Variants in SNRNP40 observed in about 807,000 individuals in gnomAD.
The protein encoded by SNRNP40 is small nuclear ribonucleoprotein U5 subunit 40, also known as U5 small nuclear ribonucleoprotein 40 kDa protein.
In SNRNP40, 21 loss-of-function variants were observed where a neutral mutation model predicts 45.8. The observed-to-expected ratio is 0.46, with a 90% CI of 0.32 to 0.66. SNRNP40 has a LOEUF of 0.66. Among genes scored for constraint, SNRNP40 ranks in the 30% least tolerant of loss-of-function variants. SNRNP40 has a pLI of 0.03. For synonymous variants in SNRNP40, 142 were observed against 163.8 expected, an observed-to-expected ratio of 0.87 and a Z score of 1.01; for missense variants, 344 against 439.1, an observed-to-expected ratio of 0.78 and a Z score of 1.94.
chr1:31,285,711 C>A (rs1335654407), intron 4 of SNRNP40, among the ~76,000 whole-genome samples: 1 of 152,200 alleles, frequency 6.6e-6, no homozygotes, highest in East Asian at 1.9e-4. Flanking sequence ...AGTCTGGAAT[C>A]ATATGTTAAA....
chr1:31,285,414 T>C (rs1190649422), intron 4 of SNRNP40, among the ~76,000 whole-genome samples: 1 of 152,074 alleles, frequency 6.6e-6, no homozygotes, highest in Non-Finnish European at 1.5e-5. Flanking sequence ...CTTTTTTGTA[T>C]TTTTAGTAGA....
chr1:31,288,481 T>C (rs1305362220), intron 4 of SNRNP40, among the ~76,000 whole-genome samples: 1 of 152,214 alleles, frequency 6.6e-6, no homozygotes, highest in Non-Finnish European at 1.5e-5. Context: ...CACATTAAAA[T>C]ATCTGATTCC....
intron 7 of SNRNP40, among the ~76,000 whole-genome samples, chr1:31,268,944 G>A (rs1645918394): frequency 6.6e-6 from 1 of 152,186 alleles, no homozygotes. Flanking sequence ...CAGTTTGAGG[G>A]CTGGCTCCAT....
intron 5 of SNRNP40, among the ~76,000 whole-genome samples, chr1:31,272,547 C>T (rs1357698921): frequency 6.6e-6 from 1 of 152,106 alleles, no homozygotes; most frequent in Non-Finnish European, 1.5e-5. Context: ...GTCATTGGGT[C>T]ACTAATTCTT....
intron 7 of SNRNP40, among the ~76,000 whole-genome samples, chr1:31,268,844 T>C (rs940471438): frequency 3.9e-5 from 6 of 152,112 alleles, no homozygotes; most frequent in African/African-American, 9.7e-5. Context: ...TTGGGTTCCA[T>C]ATGGAAAACT....
intron 4 of SNRNP40, among the ~76,000 whole-genome samples, chr1:31,287,678 T>C (rs1646069390): frequency 6.6e-6 from 1 of 152,060 alleles, no homozygotes; most frequent in Non-Finnish European, 1.5e-5. Flanking sequence ...GGGCCCCAAG[T>C]GATTAGGTAT....
chr1:31,279,806 A>C (rs1447261624), intron 5 of SNRNP40, among the ~76,000 whole-genome samples: 1 of 151,582 alleles, frequency 6.6e-6, no homozygotes, highest in Non-Finnish European at 1.5e-5. Context: ...TGAAACCCTC[A>C]CATTTAAAGG....
chr1:31,265,920 T>C (rs531394972), intron 8 of SNRNP40, among the ~76,000 whole-genome samples: 1 of 152,370 alleles, frequency 6.6e-6, no homozygotes, highest in Non-Finnish European at 1.5e-5. Flanking sequence ...TAGTTCTTAC[T>C]ATATCAGAAT....
intron 5 of SNRNP40, among the ~76,000 whole-genome samples, chr1:31,279,726 G>A (rs910646597): frequency 1.5e-4 from 22 of 151,444 alleles, no homozygotes; most frequent in African/African-American, 4.1e-4. Context: ...AAGTCTGGGC[G>A]ACAGAGTGAG....
At chr1:31,267,536 T>C (rs1021401978) in intron 8 of SNRNP40, among the ~76,000 whole-genome samples, 1 of 152,144 alleles carries the variant, frequency 6.6e-6, no homozygotes, top group African/African-American at 2.4e-5. Context: ...AGCTATATCA[T>C]TGTTTTTTTT....
chr1:31,291,471 A>G (rs184475145), intron 3 of SNRNP40, among the ~76,000 whole-genome samples: 26 of 152,266 alleles, frequency 1.7e-4, no homozygotes, highest in African/African-American at 6.0e-4. Flanking sequence ...AGGCAGGTGG[A>G]CTGCTTGAGC....
At chr1:31,260,762 T>C (rs1645852747) in intron 9 of SNRNP40, among the ~76,000 whole-genome samples, 2 of 149,800 alleles carry the variant, frequency 1.3e-5, no homozygotes, top group South Asian at 4.2e-4. Flanking sequence ...CTTGGGAGGC[T>C]GAGGCAGGAG....
At chr1:31,260,467 C>T (rs900863653) in intron 9 of SNRNP40, among the ~76,000 whole-genome samples, 1 of 151,972 alleles carries the variant, frequency 6.6e-6, no homozygotes, top group Non-Finnish European at 1.5e-5. Context: ...TTATACTTAG[C>T]CCTGGAGAAA....
rs116538291 is a variant in SNRNP40, at chr1:31,283,758, G to A, written c.532-2262C>T. On this transcript the variant is annotated intron_variant, in intron 4 of 9. Transcript: ENST00000263694. Reference sequence around the variant, plus strand: ...TTCAACAAAATATAAGGCATGCAAAGAAGCAAGTAACTATGGTCCATATAG... The same window carrying A: ...TTCAACAAAATATAAGGCATGCAAAAAAGCAAGTAACTATGGTCCATATAG... Among the ~76,000 whole-genome samples, 390 of 152,334 alleles carry A rather than the reference G, an allele frequency of 2.6e-3. 1 individual carries two copies. The highest frequency in any genetic ancestry group is 8.7e-3 in the African/African-American group (362 of 41,570).
At chr1:31,260,922 A>T (rs1325780625) in intron 9 of SNRNP40, 1 of 914,048 alleles carries the variant, frequency 1.1e-6, no homozygotes, top group Non-Finnish European at 1.4e-6. Context: ...AACAGACTTG[A>T]TGGAAGTAAA....
In SNRNP40 at chr1:31,291,947, C is replaced by T. The variant is rs201492998; in HGVS notation, c.331G>A (p.Ala111Thr). The part of the protein sequence containing the change: ...NYATLKGHSG[A>T]VMELHYNTDG... Reference sequence around the variant, plus strand: ...GTGTTGTAATGCAATTCCATCACTGCTCCACTGTGTCCCTTCAGTGTGGCA... The same window carrying T: ...GTGTTGTAATGCAATTCCATCACTGTTCCACTGTGTCCCTTCAGTGTGGCA... Residue 111 changes from alanine to threonine, a missense_variant, in exon 3 of 10, where the codon GCA becomes ACA. Physicochemically the swap from Ala to Thr is moderately conservative, Grantham distance 58. Coordinates refer to ENST00000263694, the MANE Select transcript of SNRNP40 (RefSeq NM_004814.3). The T allele has an allele frequency of 6.2e-7, 1 of 1,613,384 alleles. No individual in the cohort carries two copies. Among genetic ancestry groups the T allele is most frequent in the Admixed American group, 1.7e-5 (1 of 60,024 alleles).
intron 4 of SNRNP40, among the ~76,000 whole-genome samples, chr1:31,284,275 G>A (rs1404945313): frequency 6.6e-6 from 1 of 152,176 alleles, no homozygotes; most frequent in Non-Finnish European, 1.5e-5. Context: ...TAGCCTCCTG[G>A]ATAGCTGGGA....
At chr1:31,266,594 T>C (rs1283898493) in intron 8 of SNRNP40, among the ~76,000 whole-genome samples, 1 of 152,222 alleles carries the variant, frequency 6.6e-6, no homozygotes, top group Non-Finnish European at 1.5e-5. Flanking sequence ...ACATAATGCC[T>C]GAGCCAGTTT....
At chr1:31,282,588 T>TATC (rs1281541311) in intron 4 of SNRNP40, 1 of 151,658 alleles carries the variant, frequency 6.6e-6, no homozygotes, top group Non-Finnish European at 1.5e-5. Context: ...TCTATCTATC[T>TATC]ATCTATCTAT....
Sources: allele counts gnomAD v4.1 joint callset (sites outside exome capture counted in the v4.1 genomes callset), GRCh38; gene constraint gnomAD v4.1.1; transcripts MANE v1.5; gene names NCBI Gene and HGNC (gene_info 2026-07-23, HGNC 2026-07-21).